The following DEPTOR variants were observed in gnomAD, a reference collection of about 807,000 sequenced individuals.
DEPTOR encodes the protein DEP domain containing MTOR interacting protein, also known as DEP domain-containing mTOR-interacting protein.
In DEPTOR, 41 loss-of-function variants were observed where a neutral mutation model predicts 41.6. The observed-to-expected ratio is 0.98, with a 90% CI of 0.77 to 1.28. The LOEUF (loss-of-function observed/expected upper bound fraction) is 1.28, where lower values mean the gene tolerates loss of function less well. DEPTOR is among the 50% of genes most tolerant of loss of function. The pLI, the probability that DEPTOR is intolerant of heterozygous loss-of-function variation, is 0.00. For missense variants in DEPTOR, 514 were observed against 527.9 expected (o/e 0.97, Z 0.26); for synonymous variants, 195 against 192.3 (o/e 1.01, Z -0.12).
chr8:119,962,024 T>C (rs1382472730), intron 3 of DEPTOR, among the ~76,000 whole-genome samples: 1 of 148,552 alleles, frequency 6.7e-6, no homozygotes, highest in Admixed American at 6.9e-5. Flanking sequence ...GCAGATCACT[T>C]GAGGTCAGGA....
intron 4 of DEPTOR, among the ~76,000 whole-genome samples, chr8:119,972,014 A>G (rs1463612116): frequency 2.0e-5 from 3 of 152,362 alleles, no homozygotes; most frequent in East Asian, 1.9e-4. Flanking sequence ...CCAAAAGCCA[A>G]GTTCCCAGGT....
chr8:119,939,911 TA>T (rs2129889914), intron 3 of DEPTOR, among the ~76,000 whole-genome samples: 1 of 151,984 alleles, frequency 6.6e-6, no homozygotes, highest in South Asian at 2.1e-4. Flanking sequence ...AGAAGTGTCT[TA>T]AAAAAGTAAA....
At chr8:120,005,416 G>T (rs918764114) in intron 6 of DEPTOR, among the ~76,000 whole-genome samples, 4 of 152,218 alleles carry the variant, frequency 2.6e-5, no homozygotes, top group Admixed American at 2.6e-4. Flanking sequence ...TCACTGAGAG[G>T]GTGCTTCTCA....
At chr8:119,955,304 A>G (rs144558562) in intron 3 of DEPTOR, among the ~76,000 whole-genome samples, 70 of 152,230 alleles carry the variant, frequency 4.6e-4, no homozygotes, top group South Asian at 8.3e-4. Context: ...CAATTTGTCT[A>G]TTTCTCTGTT....
intron 3 of DEPTOR, among the ~76,000 whole-genome samples, chr8:119,942,783 C>A (rs996848686): frequency 6.6e-6 from 1 of 152,162 alleles, no homozygotes; most frequent in Non-Finnish European, 1.5e-5. Context: ...TTCAGCTTTT[C>A]TGAGTCTCTG....
intron 3 of DEPTOR, among the ~76,000 whole-genome samples, chr8:119,948,140 G>C (rs143619745): frequency 1.2e-3 from 179 of 152,214 alleles, no homozygotes; most frequent in African/African-American, 4.1e-3. Context: ...GCATTTATCT[G>C]TCTTGCACAT....
intron 3 of DEPTOR, among the ~76,000 whole-genome samples, chr8:119,940,648 A>G (rs1395711847): frequency 6.6e-6 from 1 of 152,130 alleles, no homozygotes; most frequent in African/African-American, 2.4e-5. Flanking sequence ...CAGGAGGCTG[A>G]GGCAGGACAA....
chr8:119,999,565 A>G (rs1471727112), intron 4 of DEPTOR, among the ~76,000 whole-genome samples: 20 of 151,506 alleles, frequency 1.3e-4, no homozygotes, highest in Admixed American at 1.2e-3. Context: ...TCGAGGCTAC[A>G]GTGAGCTATG....
intron 8 of DEPTOR, among the ~76,000 whole-genome samples, chr8:120,012,014 C>G (rs1812538237): frequency 6.6e-6 from 1 of 152,136 alleles, no homozygotes. Context: ...TTATCCCCCT[C>G]TTAGAAATTT....
intron 3 of DEPTOR, among the ~76,000 whole-genome samples, chr8:119,942,192 T>C (rs964214594): frequency 6.6e-6 from 1 of 152,216 alleles, no homozygotes; most frequent in Non-Finnish European, 1.5e-5. Context: ...ACTTGATTTA[T>C]TTTTTATTGA....
At chr8:119,926,916 A>G (rs889512506) in intron 1 of DEPTOR, among the ~76,000 whole-genome samples, 3 of 152,132 alleles carry the variant, frequency 2.0e-5, no homozygotes, top group African/African-American at 7.2e-5. Flanking sequence ...AGCACATAAG[A>G]TAGCCTTTGA....
At chr8:119,877,263 G>A (rs76630790) in intron 1 of DEPTOR, among the ~76,000 whole-genome samples, 2,828 of 152,232 alleles carry the variant, frequency 0.019, 87 homozygotes, top group African/African-American at 0.063. Flanking sequence ...TATCTCAACT[G>A]TTTTGGCACT....
At chr8:119,898,681 A>G (rs901512829) in intron 1 of DEPTOR, among the ~76,000 whole-genome samples, 5 of 151,674 alleles carry the variant, frequency 3.3e-5, no homozygotes, top group African/African-American at 1.2e-4. Context: ...CTGAGATTGT[A>G]CCACTGCATT....
chr8:119,959,709 T>A (rs1403619906), intron 3 of DEPTOR, among the ~76,000 whole-genome samples: 1 of 151,896 alleles, frequency 6.6e-6, no homozygotes, highest in East Asian at 2.0e-4. Flanking sequence ...TTTTGTATTT[T>A]TAGTAGAGAT....
At chr8:119,954,906 T>C (rs900126274) in intron 3 of DEPTOR, among the ~76,000 whole-genome samples, 107 of 152,108 alleles carry the variant, frequency 7.0e-4, no homozygotes, top group African/African-American at 2.5e-3. Flanking sequence ...TTGCCCAGAC[T>C]GGAGTGCAGT....
chr8:120,029,923 G>A (rs1812859963), intron 8 of DEPTOR, among the ~76,000 whole-genome samples: 1 of 152,130 alleles, frequency 6.6e-6, no homozygotes, highest in African/African-American at 2.4e-5. Flanking sequence ...CTGCATCTCT[G>A]AGGAGAAAGC....
intron 4 of DEPTOR, chr8:119,969,671 C>A (rs956027819): frequency 1.3e-5 from 2 of 152,098 alleles, no homozygotes; most frequent in African/African-American, 4.8e-5. Flanking sequence ...TAAATCTTAA[C>A]CACCGAAGTA....
At chr8:120,003,165 C>T (rs1812382652) in intron 6 of DEPTOR, 54 bp downstream of exon 6, 4 of 1,585,250 alleles carry the variant, frequency 2.5e-6, no homozygotes, top group Non-Finnish European at 3.4e-6. Context: ...TTGGGCAGGT[C>T]CCTGGGAAGC....
At chr8:120,033,957 C>T (rs539678538) in intron 8 of DEPTOR, among the ~76,000 whole-genome samples, 85 of 152,188 alleles carry the variant, frequency 5.6e-4, no homozygotes, top group African/African-American at 2.0e-3. Context: ...ATCCCAGCTC[C>T]ACCGGGGGCT....
Sources: gnomAD v4.1 joint callset for allele counts (sites outside exome capture counted in the v4.1 genomes callset) on GRCh38, gnomAD v4.1.1 for gene constraint, MANE v1.5 for transcripts, NCBI Gene and HGNC (gene_info 2026-07-23, HGNC 2026-07-21) for gene names.